Variants in EDA observed in about 807,000 individuals in gnomAD.
EDA encodes ectodysplasin A.
In EDA, 2 loss-of-function variants were observed where a neutral mutation model predicts 23.6. The observed-to-expected ratio is 0.08, with a 90% CI of 0.03 to 0.27. The LOEUF (loss-of-function observed/expected upper bound fraction) is 0.27. Among genes scored for constraint, EDA ranks in the 10% least tolerant of loss-of-function variants. The pLI is 1.00. For missense variants in EDA, 229 were observed against 324.2 expected (o/e 0.71, Z 2.26); for synonymous variants, 131 against 132.0 (o/e 0.99, Z 0.05).
intron 1 of EDA, among the ~76,000 whole-genome samples, chrX:69,815,194 C>T (rs1327179125): frequency 2.7e-5 from 3 of 112,395 alleles, no homozygotes; most frequent in Non-Finnish European, 5.6e-5. Flanking sequence ...CTCTGCAGTT[C>T]AGTCGACTCA....
intron 1 of EDA, among the ~76,000 whole-genome samples, chrX:69,938,278 G>A (rs2018706524): frequency 9.0e-6 from 1 of 111,088 alleles, no homozygotes; most frequent in Non-Finnish European, 1.9e-5. Context: ...TTGAATAAAA[G>A]TTAAAATGGA....
intron 1 of EDA, among the ~76,000 whole-genome samples, chrX:69,721,172 G>A (rs1406058064): frequency 9.0e-6 from 1 of 111,413 alleles, no homozygotes; most frequent in East Asian, 2.8e-4. Flanking sequence ...GGCAGAAGGG[G>A]TTTCCCAAGG....
At chrX:69,788,486 C>T (rs1168843458) in intron 1 of EDA, among the ~76,000 whole-genome samples, 2 of 111,906 alleles carry the variant, frequency 1.8e-5, no homozygotes, top group Admixed American at 9.5e-5. Context: ...GCTGTCCTTT[C>T]TGTTTGTTAG....
intron 1 of EDA, among the ~76,000 whole-genome samples, chrX:69,750,101 T>C (rs2013778458): frequency 9.4e-6 from 1 of 106,094 alleles, no homozygotes; most frequent in African/African-American, 3.4e-5. Context: ...ATGTGCCATG[T>C]TGGTGTGCTG....
chrX:69,863,769 T>C (rs1172585554), intron 1 of EDA, among the ~76,000 whole-genome samples: 2 of 108,291 alleles, frequency 1.8e-5, no homozygotes, highest in African/African-American at 3.4e-5. Context: ...ATATATTCTG[T>C]GCAAAGTGAG....
chrX:69,903,348 A>G (rs1029410640), intron 1 of EDA, among the ~76,000 whole-genome samples: 4 of 111,189 alleles, frequency 3.6e-5, no homozygotes, highest in African/African-American at 1.3e-4. Flanking sequence ...ATGAGCTTGC[A>G]TCTTTGCTCT....
At chrX:69,988,870 T>C (rs1190388400) in intron 2 of EDA, among the ~76,000 whole-genome samples, 1 of 110,750 alleles carries the variant, frequency 9.0e-6, no homozygotes, top group African/African-American at 3.3e-5. Context: ...AGAAAAAAAA[T>C]TGTTTAATTT....
intron 1 of EDA, among the ~76,000 whole-genome samples, chrX:69,782,538 G>A (rs2014986960): frequency 9.0e-6 from 1 of 111,399 alleles, no homozygotes; most frequent in Non-Finnish European, 1.9e-5. Flanking sequence ...GTGCTGCTTT[G>A]TGTGGTTATA....
intron 1 of EDA, among the ~76,000 whole-genome samples, chrX:69,791,935 C>A (rs755911564): frequency 1.8e-4 from 20 of 112,323 alleles, no homozygotes; most frequent in Non-Finnish European, 2.4e-4. Flanking sequence ...AGCCACTGCA[C>A]CCGGCAACAA....
At chrX:70,001,511 C>T (rs777390567) in intron 2 of EDA, among the ~76,000 whole-genome samples, 14 of 111,931 alleles carry the variant, frequency 1.3e-4, no homozygotes, top group African/African-American at 4.5e-4. Flanking sequence ...TGGGCCCCTT[C>T]AGCCCATTGA....
At position 70,035,704 on chromosome X, in the gene EDA, T is replaced by C; in HGVS notation, c.*95T>C. ...AGTGCTGCTGTGGAGTGAGGTGTAT[T>C]GGTGTTGCAGCCGCAGAGAAATGCC... is the stretch of plus-strand genomic sequence containing the variant. On this transcript the variant is annotated 3_prime_UTR_variant, in exon 8 of 8. Coordinates refer to ENST00000374552, the MANE Select transcript of EDA (RefSeq NM_001399.5). The C allele has an allele frequency of 9.5e-7, 1 of 1,057,975 alleles. No homozygotes were observed. Among genetic ancestry groups the C allele is most frequent in the Non-Finnish European group, 1.3e-6 (1 of 769,514 alleles). 87.2% of individuals were successfully genotyped at this position (1,057,975 alleles called of 1,213,427 possible).
At chrX:69,953,120 G>A (rs932288447) in intron 1 of EDA, among the ~76,000 whole-genome samples, 3 of 111,679 alleles carry the variant, frequency 2.7e-5, no homozygotes, top group Non-Finnish European at 5.6e-5. Context: ...TTACTTATTG[G>A]AAAAGCCGTT....
chrX:69,786,159 T>C (rs1386751829), intron 1 of EDA, among the ~76,000 whole-genome samples: 1 of 111,263 alleles, frequency 9.0e-6, no homozygotes, highest in East Asian at 2.8e-4. Flanking sequence ...TCATTTTTTA[T>C]TGCATCTATT....
chrX:69,653,554 C>A (rs868033265), intron 1 of EDA, among the ~76,000 whole-genome samples: 8 of 111,105 alleles, frequency 7.2e-5, no homozygotes, highest in Middle Eastern at 4.7e-3. Context: ...ATCTTGTGCC[C>A]GTTTTCAAAG....
At chrX:69,649,637 A>G (rs1256788564) in intron 1 of EDA, among the ~76,000 whole-genome samples, 1 of 104,646 alleles carries the variant, frequency 9.6e-6, no homozygotes, top group African/African-American at 3.6e-5. Context: ...CCCAGGCTGG[A>G]GTGCAGTGGC....
intron 1 of EDA, among the ~76,000 whole-genome samples, chrX:69,940,526 TAAA>T (rs758866428): frequency 1.8e-5 from 2 of 111,229 alleles, no homozygotes; most frequent in African/African-American, 3.3e-5. Context: ...TATCTTTTGA[TAAA>T]AAAACTTTTC....
chrX:69,796,035 A>G (rs895835081), intron 1 of EDA, among the ~76,000 whole-genome samples: 2 of 111,679 alleles, frequency 1.8e-5, no homozygotes, highest in South Asian at 7.6e-4. Context: ...ACCTACCTAC[A>G]TAGCACCTAC....
chrX:69,799,281 G>T lies in EDA; in HGVS notation c.397-157746G>T, dbSNP rs1032439603. On this transcript the variant is annotated intron_variant, in intron 1 of 7. Transcript: ENST00000374552. ...TCTCCAGAACATTGGACTGGGCAAA[G>T]ATTTTTTGAGTAATGTCCCAGAAGC... is the stretch of plus-strand genomic sequence containing the variant. Among the ~76,000 whole-genome samples, 5 of 111,564 alleles carry T rather than the reference G, an allele frequency of 4.5e-5. No homozygotes were observed. The East Asian group carries it at 1.1e-3, about 25-fold the overall frequency.
At chrX:69,753,171 G>A (rs866999733) in intron 1 of EDA, among the ~76,000 whole-genome samples, 47 of 110,934 alleles carry the variant, frequency 4.2e-4, no homozygotes, top group Middle Eastern at 9.3e-3. Flanking sequence ...GTGATGTTAG[G>A]GTGTCAATTT....
Sources: allele counts gnomAD v4.1 joint callset (sites outside exome capture counted in the v4.1 genomes callset), GRCh38; gene constraint gnomAD v4.1.1; transcripts MANE v1.5; gene names NCBI Gene and HGNC (gene_info 2026-07-23, HGNC 2026-07-21).